Variants in IGFL2 observed in about 807,000 individuals in gnomAD.
The protein encoded by IGFL2 is insulin growth factor-like family member 2.
A neutral mutation model predicts 13.9 loss-of-function variants in IGFL2; 7 were observed. The observed-to-expected ratio is 0.51, with a 90% CI of 0.29 to 0.95. The LOEUF is 0.95. Ranked by LOEUF, IGFL2 falls within the 40% of genes least tolerant of loss-of-function variation. The pLI is 0.08. For missense variants in IGFL2, 138 were observed against 147.8 expected (o/e 0.93, Z 0.34); for synonymous variants, 55 against 55.8 (o/e 0.99, Z 0.07).
chr19:46,132,699 G>T, the IGFL2 span, among the ~76,000 whole-genome samples: 8 of 136,650 alleles, frequency 5.9e-5, no homozygotes, highest in Admixed American at 5.8e-4. Context: ...GAAAGAAGAA[G>T]AAAGGGAAGG....
chr19:46,160,079 C>T (rs367663074), intron 1 of IGFL2: 31 of 325,452 alleles, frequency 9.5e-5, no homozygotes, highest in Middle Eastern at 9.7e-4. Context: ...CTTCCTTCCT[C>T]CTTCCTTATC....
chr19:46,127,686 G>A, the IGFL2 span, among the ~76,000 whole-genome samples: 2 of 152,112 alleles, frequency 1.3e-5, no homozygotes, highest in Non-Finnish European at 2.9e-5. Flanking sequence ...ATGGGTGGTT[G>A]GATATTAGAT....
At chr19:46,085,916 A>G in the IGFL2 span, among the ~76,000 whole-genome samples, 4 of 152,192 alleles carry the variant, frequency 2.6e-5, no homozygotes, top group Non-Finnish European at 4.4e-5. Context: ...ATACAGGAAC[A>G]TTGGTTGCCT....
At chr19:46,188,347 C>A in the IGFL2 span, among the ~76,000 whole-genome samples, 1 of 152,126 alleles carries the variant, frequency 6.6e-6, no homozygotes, top group African/African-American at 2.4e-5. Context: ...ATGAATCTTG[C>A]TGTTTGCACA....
chr19:46,207,466 C>T, the IGFL2 span: 1 of 152,072 alleles, frequency 6.6e-6, no homozygotes. Flanking sequence ...ACTGCAACCT[C>T]CGCCTCCCAG....
the IGFL2 span, among the ~76,000 whole-genome samples, chr19:46,172,878 T>C: frequency 6.6e-6 from 1 of 152,188 alleles, no homozygotes; most frequent in African/African-American, 2.4e-5. Flanking sequence ...CATGCCCAGC[T>C]GATGTGAATA....
intron 1 of IGFL2, among the ~76,000 whole-genome samples, chr19:46,156,532 A>G (rs921379875): frequency 9.9e-5 from 15 of 152,156 alleles, no homozygotes. Flanking sequence ...TAAGCAACAC[A>G]ACTCTAAATA....
At chr19:46,169,477 T>C in the IGFL2 span, among the ~76,000 whole-genome samples, 1 of 152,188 alleles carries the variant, frequency 6.6e-6, no homozygotes, top group African/African-American at 2.4e-5. Context: ...ATAGATGTTT[T>C]CAAGGTGGAT....
chr19:46,087,578 C>T, the IGFL2 span, among the ~76,000 whole-genome samples: 1 of 152,236 alleles, frequency 6.6e-6, no homozygotes, highest in Non-Finnish European at 1.5e-5. Context: ...GCAGGAGCTG[C>T]ACTGCGGCCA....
At chr19:46,206,246 A>G in the IGFL2 span, among the ~76,000 whole-genome samples, 6 of 152,196 alleles carry the variant, frequency 3.9e-5, no homozygotes, top group East Asian at 1.2e-3. Context: ...AGCCTGACTC[A>G]GCTGCCCTGA....
At chr19:46,129,687 TC>T in the IGFL2 span, among the ~76,000 whole-genome samples, 1 of 152,152 alleles carries the variant, frequency 6.6e-6, no homozygotes, top group African/African-American at 2.4e-5. Flanking sequence ...AATTCCTTAG[TC>T]TTGATTTCTA....
At chr19:46,119,483 G>GCACGATGTCTCTGGAAATGTCAAGGGGAC in the IGFL2 span, among the ~76,000 whole-genome samples, 20 of 141,242 alleles carry the variant, frequency 1.4e-4, no homozygotes, top group East Asian at 4.5e-4. Context: ...ACTGACTGGA[G>GCACGATGTCTCTGGAAATGTCAAGGGGAC]CCAGGGTATG....
downstream of IGFL2, among the ~76,000 whole-genome samples, chr19:46,162,587 C>T (rs1269298804): frequency 6.6e-6 from 1 of 152,156 alleles, no homozygotes; most frequent in Non-Finnish European, 1.5e-5. Context: ...GTTTATTCTA[C>T]TGTTAATACT....
downstream of IGFL2, among the ~76,000 whole-genome samples, chr19:46,162,307 T>C (rs1974205133): frequency 6.6e-6 from 1 of 152,224 alleles, no homozygotes; most frequent in Non-Finnish European, 1.5e-5. Flanking sequence ...GCAAGAGTTC[T>C]CTGTATTTCC....
At chr19:46,201,918 T>C in the IGFL2 span, among the ~76,000 whole-genome samples, 6 of 140,766 alleles carry the variant, frequency 4.3e-5, no homozygotes, top group Admixed American at 3.5e-4. Context: ...TTGGGCAGGT[T>C]GGGGAGGGCT....
chr19:46,193,510 G>C, the IGFL2 span, among the ~76,000 whole-genome samples: 1 of 152,042 alleles, frequency 6.6e-6, no homozygotes, highest in Non-Finnish European at 1.5e-5. Flanking sequence ...TGGCAATTCA[G>C]ATATGCCAAA....
chr19:46,141,169 C>T (rs1972841932), upstream of IGFL2, among the ~76,000 whole-genome samples: 1 of 152,222 alleles, frequency 6.6e-6, no homozygotes, highest in Admixed American at 6.5e-5. Context: ...GTTCACTACA[C>T]AAACATCCTT....
chr19:46,114,311 A>C, the IGFL2 span, among the ~76,000 whole-genome samples: 1 of 152,196 alleles, frequency 6.6e-6, no homozygotes, highest in Non-Finnish European at 1.5e-5. Context: ...AACATGCGAA[A>C]AAAAGGGTGA....
At chr19:46,096,803 T>G in the IGFL2 span, among the ~76,000 whole-genome samples, 1 of 152,216 alleles carries the variant, frequency 6.6e-6, no homozygotes. Context: ...TTAGTTCTGT[T>G]TATGTGATGA....
Sources: gnomAD v4.1 joint callset for allele counts (sites outside exome capture counted in the v4.1 genomes callset) on GRCh38, gnomAD v4.1.1 for gene constraint, MANE v1.5 for transcripts, NCBI Gene and HGNC (gene_info 2026-07-23, HGNC 2026-07-21) for gene names.